STRADA: variants seen among roughly 807,000 people sequenced by gnomAD.
The protein encoded by STRADA is STE20 related adaptor alpha, also known as STE20-related kinase adapter protein alpha.
STRADA carries 26 observed loss-of-function variants against 55.0 expected under a neutral mutation model. The ratio of observed to expected loss-of-function variants is 0.47; its 90% CI spans 0.35 to 0.66. The LOEUF is 0.66. Among genes scored for constraint, STRADA ranks in the 30% least tolerant of loss-of-function variants. The pLI is 0.01. For synonymous variants in STRADA, 197 were observed against 210.9 expected (o/e 0.93, Z 0.57); for missense variants, 443 against 549.7 (o/e 0.81, Z 1.94).
At chr17:63,737,815 C>T (rs1055364827) in intron 1 of STRADA, among the ~76,000 whole-genome samples, 1 of 151,438 alleles carries the variant, frequency 6.6e-6, no homozygotes, top group Admixed American at 6.6e-5. Context: ...TTTGAAACCC[C>T]AACTCTATAA....
At chr17:63,737,277 ATT>A (rs2038515566) in intron 1 of STRADA, 11 of 143,486 alleles carry the variant, frequency 7.7e-5, no homozygotes, top group Admixed American at 1.4e-4. Flanking sequence ...AAAAAAAAAA[ATT>A]GAGATAGTTC....
chr17:63,703,915 C>T (rs982994001), intron 12 of STRADA, 90 bp downstream of exon 12: 2 of 1,606,746 alleles, frequency 1.2e-6, no homozygotes, highest in African/African-American at 2.7e-5. Flanking sequence ...TAGTTTCTCT[C>T]ATTCAAAGGG....
intron 11 of STRADA, 26 bp from the exon 12 acceptor site, chr17:63,704,073 G>T (rs183469596): frequency 6.2e-7 from 1 of 1,609,788 alleles, no homozygotes; most frequent in South Asian, 1.1e-5. Flanking sequence ...AGGAGAGACC[G>T]CAGCATCACT....
intron 4 of STRADA, among the ~76,000 whole-genome samples, chr17:63,721,656 G>T (rs2037332480): frequency 6.6e-6 from 1 of 151,398 alleles, no homozygotes; most frequent in Admixed American, 6.6e-5. Context: ...AGAGGTTGCA[G>T]TAAGCCGAGA....
At chr17:63,707,831 C>T (rs1419456632) in intron 8 of STRADA, among the ~76,000 whole-genome samples, 1 of 151,200 alleles carries the variant, frequency 6.6e-6, no homozygotes. Context: ...CCCGGGTTCA[C>T]ACCATTCTCC....
chr17:63,730,045 A>G (rs1425169063), intron 1 of STRADA, among the ~76,000 whole-genome samples: 4 of 152,138 alleles, frequency 2.6e-5, no homozygotes, highest in African/African-American at 9.6e-5. Flanking sequence ...CATGTTGGCC[A>G]GGCTAGTCTC....
intron 1 of STRADA, among the ~76,000 whole-genome samples, chr17:63,737,859 T>A (rs949357481): frequency 2.0e-5 from 3 of 151,934 alleles, no homozygotes; most frequent in African/African-American, 7.3e-5. Context: ...TGGTGGCATG[T>A]GCCTGTGGTC....
chr17:63,720,867 C>T (rs960723973), intron 4 of STRADA, among the ~76,000 whole-genome samples: 3 of 150,482 alleles, frequency 2.0e-5, no homozygotes, highest in Non-Finnish European at 4.4e-5. Flanking sequence ...GAGGCTGAGA[C>T]AGGTGGATCA....
chr17:63,741,583 G>C (rs975272921), intron 1 of STRADA, 158 bp downstream of exon 1: 2 of 152,616 alleles, frequency 1.3e-5, no homozygotes, highest in Non-Finnish European at 2.9e-5. Context: ...CCTCATTGCG[G>C]GAGTCGAGGA....
chr17:63,707,544 T>G, intron 8 of STRADA, 126 bp from the exon 9 acceptor site: 1 of 813,864 alleles, frequency 1.2e-6, no homozygotes. Context: ...ATATGTGTAT[T>G]TTACATATAC....
At chr17:63,731,323 C>G (rs920558983) in intron 1 of STRADA, among the ~76,000 whole-genome samples, 1 of 131,288 alleles carries the variant, frequency 7.6e-6, no homozygotes, top group Admixed American at 8.8e-5. Flanking sequence ...AGTGCAGTGG[C>G]GTGATCTCAG....
intron 1 of STRADA, among the ~76,000 whole-genome samples, chr17:63,739,670 ATATAT>A (rs1445746369): frequency 3.3e-5 from 5 of 149,454 alleles, no homozygotes; most frequent in Non-Finnish European, 7.4e-5. Context: ...GCATATATGT[ATATAT>A]TATATATGTA....
Position 63,740,107 on chromosome 17 carries a change from T to TATATATATATATATGC in STRADA, c.-45+1633_-45+1634insGCATATATATATATAT, listed in dbSNP as rs1309095081. Among the ~76,000 whole-genome samples the TATATATATATATATGC allele has an allele frequency of 1.4e-4, 7 of 49,648 alleles. 1 individual carries two copies. The South Asian group carries it at 7.2e-3, about 51-fold the overall frequency. 32.6% of individuals were successfully genotyped at this position (49,648 alleles called of 152,430 possible). ...AACACTATATATATATATATATATATACATACATACATATATATATACACA... is the reference window on the plus strand; with the variant it reads ...AACACTATATATATATATATATATATATATATATATATATGCACATACATACATATATATATACACA... On this transcript the variant is annotated intron_variant, in intron 1 of 12. Coordinates refer to ENST00000336174, the MANE Select transcript of STRADA (RefSeq NM_001003787.4).
At chr17:63,717,320 AT>A (rs1340292562) in intron 4 of STRADA, among the ~76,000 whole-genome samples, 1 of 152,062 alleles carries the variant, frequency 6.6e-6, no homozygotes, top group African/African-American at 2.4e-5. Context: ...TTATTTATTT[AT>A]TTTTGAGACG....
intron 4 of STRADA, among the ~76,000 whole-genome samples, chr17:63,723,018 G>T (rs1390388331): frequency 5.3e-5 from 8 of 152,004 alleles, no homozygotes; most frequent in Non-Finnish European, 7.4e-5. Context: ...TTTTTTGGGG[G>T]AAGGGGTGGC....
intron 4 of STRADA, among the ~76,000 whole-genome samples, chr17:63,718,399 T>C (rs2144001763): frequency 6.6e-6 from 1 of 152,338 alleles, no homozygotes; most frequent in Non-Finnish European, 1.5e-5. Flanking sequence ...CAACTCTCCA[T>C]CGGTTTAGAA....
Position 63,703,323 on chromosome 17 carries a change from T to C in STRADA, c.*276A>G. ...CAGGGCCAGAGCAGCATCTCTCTTC[T>C]GCGGAGGAGGTCACCTGAGCTCACA... On this transcript the variant is annotated 3_prime_UTR_variant, in exon 13 of 13. Transcript: ENST00000336174. 1 of 349,418 alleles carries C rather than the reference T, an allele frequency of 2.9e-6. No individual in the cohort carries two copies. The highest frequency in any genetic ancestry group is 5.3e-6 in the Non-Finnish European group (1 of 190,242). 21.6% of individuals were successfully genotyped at this position (349,418 alleles called of 1,614,324 possible). A position where few individuals can be genotyped will look rare whatever the true frequency, so the allele number is the denominator to read the frequency against.
chr17:63,705,318 T>C (rs2036010766), intron 10 of STRADA: 1 of 263,426 alleles, frequency 3.8e-6, no homozygotes, highest in South Asian at 5.4e-5. Context: ...CACAGTCTCA[T>C]GGCTCCCACG....
intron 8 of STRADA, among the ~76,000 whole-genome samples, chr17:63,709,038 C>A (rs1190158618): frequency 6.6e-6 from 1 of 152,120 alleles, no homozygotes; most frequent in Non-Finnish European, 1.5e-5. Flanking sequence ...GGGAAGAGAT[C>A]TAACACTTTT....
Sources: allele counts gnomAD v4.1 joint callset (sites outside exome capture counted in the v4.1 genomes callset), GRCh38; gene constraint gnomAD v4.1.1; transcripts MANE v1.5; gene names NCBI Gene and HGNC (gene_info 2026-07-23, HGNC 2026-07-21).